The following NELL1 variants were observed in gnomAD, a reference collection of about 807,000 sequenced individuals.
The protein encoded by NELL1 is protein kinase C-binding protein NELL1.
In NELL1, 76 loss-of-function variants were observed where a neutral mutation model predicts 107.4. The ratio of observed to expected loss-of-function variants is 0.71; its 90% CI spans 0.59 to 0.86. The LOEUF is 0.86. Among genes scored for constraint, NELL1 ranks in the 40% least tolerant of loss-of-function variants. The pLI, the probability that NELL1 is intolerant of heterozygous loss-of-function variation, is 0.00. For synonymous variants in NELL1, 353 were observed against 341.2 expected (o/e 1.03, Z -0.38); for missense variants, 1,024 against 1,005.5 (o/e 1.02, Z -0.25).
intron 11 of NELL1, among the ~76,000 whole-genome samples, chr11:20,948,685 C>T (rs1851011307): frequency 6.8e-6 from 1 of 146,978 alleles, no homozygotes; most frequent in Non-Finnish European, 1.5e-5. Context: ...AAACCCAGCT[C>T]AAGTATCACT....
At chr11:20,731,471 G>A (rs573222834) in intron 2 of NELL1, among the ~76,000 whole-genome samples, 2 of 152,202 alleles carry the variant, frequency 1.3e-5, no homozygotes, top group Admixed American at 6.5e-5. Context: ...CTGTGAGTGT[G>A]TGCATTAAAG....
chr11:21,125,075 A>C (rs1480065401), intron 13 of NELL1, among the ~76,000 whole-genome samples: 2 of 152,142 alleles, frequency 1.3e-5, no homozygotes, highest in African/African-American at 2.4e-5. Context: ...ACATTCAGAC[A>C]TTTCAGATGC....
At chr11:21,096,268 T>C (rs1854640460) in intron 12 of NELL1, among the ~76,000 whole-genome samples, 1 of 152,178 alleles carries the variant, frequency 6.6e-6, no homozygotes, top group East Asian at 1.9e-4. Context: ...CTGTGTTCTT[T>C]GGAAACCTTA....
chr11:21,466,747 C>T (rs1045595020), intron 15 of NELL1, among the ~76,000 whole-genome samples: 1 of 151,936 alleles, frequency 6.6e-6, no homozygotes, highest in African/African-American at 2.4e-5. Context: ...AGGAGAACCT[C>T]CCACTAGGAG....
intron 12 of NELL1, among the ~76,000 whole-genome samples, chr11:21,101,377 T>C (rs1158840878): frequency 6.6e-6 from 1 of 152,214 alleles, no homozygotes; most frequent in Non-Finnish European, 1.5e-5. Context: ...CTGGGTCAAA[T>C]GGTATTTCTA....
intron 2 of NELL1, among the ~76,000 whole-genome samples, chr11:20,685,954 G>A (rs1175485419): frequency 6.6e-6 from 1 of 151,934 alleles, no homozygotes; most frequent in Non-Finnish European, 1.5e-5. Context: ...CAGTATTTAA[G>A]GGTGACAGTG....
At chr11:21,024,996 T>A (rs1852782299) in intron 12 of NELL1, among the ~76,000 whole-genome samples, 7 of 152,124 alleles carry the variant, frequency 4.6e-5, no homozygotes, top group Admixed American at 4.6e-4. Context: ...CTGTGCCATG[T>A]CCCACTCCCT....
At chr11:20,673,487 A>G (rs1853972065) in intron 1 of NELL1, among the ~76,000 whole-genome samples, 1 of 152,232 alleles carries the variant, frequency 6.6e-6, no homozygotes, top group South Asian at 2.1e-4. Flanking sequence ...AGCCAGACCC[A>G]GGAGGATTTG....
At position 21,388,820 on chromosome 11, in the gene NELL1, A is replaced by G. The variant is rs191784016; in HGVS notation, c.1645+17872A>G. ...ATACAATTTTAAAACCCAGAGGGAA[A>G]TAACATTTCCGGAAAGATGTTCTCA... On this transcript the variant is annotated intron_variant, in intron 15 of 19. Transcript: ENST00000357134. Among the ~76,000 whole-genome samples, 22 of 151,972 alleles carry G rather than the reference A, an allele frequency of 1.4e-4. 1 individual carries two copies. The highest frequency in any genetic ancestry group is 5.9e-4 in the Admixed American group (9 of 15,228).
chr11:20,763,669 G>A (rs1856470080), intron 2 of NELL1, among the ~76,000 whole-genome samples: 1 of 152,218 alleles, frequency 6.6e-6, no homozygotes, highest in African/African-American at 2.4e-5. Context: ...AGAAGGGACT[G>A]TTTTTATGCC....
chr11:21,062,361 A>T (rs1220255299), intron 12 of NELL1, among the ~76,000 whole-genome samples: 1 of 152,206 alleles, frequency 6.6e-6, no homozygotes, highest in East Asian at 1.9e-4. Context: ...TTTGAGGCTT[A>T]TATTTCTTTT....
chr11:20,833,833 G>A (rs894040618), intron 3 of NELL1, among the ~76,000 whole-genome samples: 9 of 152,122 alleles, frequency 5.9e-5, no homozygotes, highest in African/African-American at 9.7e-5. Context: ...GGGAGGGATC[G>A]TGGTATGTTT....
chr11:20,852,043 T>G (rs532389217), intron 4 of NELL1, among the ~76,000 whole-genome samples: 1 of 152,338 alleles, frequency 6.6e-6, no homozygotes, highest in Non-Finnish European at 1.5e-5. Context: ...TCACCCAGCC[T>G]TTGGCCAGCA....
chr11:21,213,646 A>G (rs1590739542), intron 13 of NELL1, among the ~76,000 whole-genome samples: 1 of 152,190 alleles, frequency 6.6e-6, no homozygotes, highest in East Asian at 1.9e-4. Context: ...GAATAGACAC[A>G]AAGATCAATA....
At chr11:21,484,544 A>G (rs1294322474) in intron 15 of NELL1, among the ~76,000 whole-genome samples, 1 of 152,074 alleles carries the variant, frequency 6.6e-6, no homozygotes, top group Non-Finnish European at 1.5e-5. Flanking sequence ...AAGAATATAT[A>G]TGTAGGCTTG....
At chr11:21,264,766 C>T (rs189514127) in intron 14 of NELL1, among the ~76,000 whole-genome samples, 62 of 150,984 alleles carry the variant, frequency 4.1e-4, no homozygotes, top group Admixed American at 1.1e-3. Context: ...TGTGTGTGTG[C>T]GTGCGTGTGT....
At chr11:20,795,309 A>G (rs1857148928) in intron 3 of NELL1, among the ~76,000 whole-genome samples, 1 of 152,226 alleles carries the variant, frequency 6.6e-6, no homozygotes, top group Non-Finnish European at 1.5e-5. Context: ...AGACTATTAA[A>G]AATGTACCTG....
At chr11:21,247,476 A>C (rs969082966) in intron 14 of NELL1, among the ~76,000 whole-genome samples, 1 of 152,058 alleles carries the variant, frequency 6.6e-6, no homozygotes, top group Admixed American at 6.6e-5. Flanking sequence ...ACAAAAACAC[A>C]CACATCACAC....
At chr11:21,073,678 A>G (rs11025903) in intron 12 of NELL1, among the ~76,000 whole-genome samples, 3,771 of 152,264 alleles carry the variant, frequency 0.025, 104 homozygotes, top group South Asian at 0.16. Flanking sequence ...ACAGTCAGGG[A>G]AGGCTTCCTG....
Sources: gnomAD v4.1 joint callset for allele counts (sites outside exome capture counted in the v4.1 genomes callset) on GRCh38, gnomAD v4.1.1 for gene constraint, MANE v1.5 for transcripts, NCBI Gene and HGNC (gene_info 2026-07-23, HGNC 2026-07-21) for gene names.